Variants in NEK5 observed in about 807,000 individuals in gnomAD.
NEK5 encodes the protein serine/threonine-protein kinase Nek5.
NEK5 carries 88 observed loss-of-function variants against 109.2 expected under a neutral mutation model. That is an observed-to-expected ratio of 0.81 (90% CI 0.68 to 0.96). The LOEUF is 0.96. Ranked by LOEUF, NEK5 falls within the 40% of genes least tolerant of loss-of-function variation. The pLI is 0.00. For missense variants in NEK5, 834 were observed against 920.7 expected, an observed-to-expected ratio of 0.91 and a Z score of 1.22; for synonymous variants, 283 against 299.9, an observed-to-expected ratio of 0.94 and a Z score of 0.58.
At chr13:52,065,878 A>G (rs192464546) in intron 20 of NEK5, among the ~76,000 whole-genome samples, 2 of 152,362 alleles carry the variant, frequency 1.3e-5, no homozygotes, top group Admixed American at 1.3e-4. Context: ...TGAGGCATCT[A>G]TGAGAACTTT....
At chr13:52,118,819 GCA>G (rs1022949722) in intron 4 of NEK5, among the ~76,000 whole-genome samples, 1 of 151,896 alleles carries the variant, frequency 6.6e-6, no homozygotes, top group Admixed American at 6.6e-5. Context: ...GTACCCCCCA[GCA>G]CACACACACA....
At chr13:52,114,275 C>A (rs1282358930) in intron 4 of NEK5, among the ~76,000 whole-genome samples, 1 of 152,158 alleles carries the variant, frequency 6.6e-6, no homozygotes, top group African/African-American at 2.4e-5. Flanking sequence ...ACATAAGCGC[C>A]AAAATCAGTC....
chr13:52,080,696 T>G (rs1193887825), intron 17 of NEK5, among the ~76,000 whole-genome samples: 2 of 152,056 alleles, frequency 1.3e-5, no homozygotes, highest in African/African-American at 2.4e-5. Flanking sequence ...GAAGGCAGCA[T>G]GCTCGTTAAG....
intron 16 of NEK5, among the ~76,000 whole-genome samples, chr13:52,085,943 A>T (rs974198277): frequency 6.6e-6 from 1 of 152,106 alleles, no homozygotes; most frequent in Non-Finnish European, 1.5e-5. Context: ...CTCATTTTGG[A>T]CTTTCTGCAT....
chr13:52,072,096 G>C, intron 19 of NEK5, 26 bp from the exon 20 acceptor site: 1 of 1,577,522 alleles, frequency 6.3e-7, no homozygotes, highest in African/African-American at 1.4e-5. Flanking sequence ...AGTGTTTCAT[G>C]ATAAATTAGC....
At chr13:52,107,655 C>A (rs1955680907) in intron 8 of NEK5, among the ~76,000 whole-genome samples, 4 of 151,592 alleles carry the variant, frequency 2.6e-5, no homozygotes. Context: ...AAAAGCCCAC[C>A]AAGAGTTTTG....
chr13:52,062,613 G>T (rs1285886562), intron 21 of NEK5, among the ~76,000 whole-genome samples: 4 of 152,022 alleles, frequency 2.6e-5, no homozygotes, highest in East Asian at 1.9e-4. Flanking sequence ...TAGAGACAGG[G>T]TTTCACCATG....
In NEK5 at chr13:52,118,966, C is replaced by T. The variant is rs372616717; in HGVS notation, c.214+353G>A. ...CAGCCTGGGCCCCAGACTCAAGACCCCAGCCCACCACAGCTAGCATGTAAT... is the reference window on the plus strand; with the variant it reads ...CAGCCTGGGCCCCAGACTCAAGACCTCAGCCCACCACAGCTAGCATGTAAT... On this transcript the variant is annotated intron_variant, in intron 4 of 23. Transcript: ENST00000684899. Among the ~76,000 whole-genome samples the T allele has an allele frequency of 3.9e-5, 6 of 152,124 alleles. No individual in the cohort carries two copies. The South Asian group carries it at 1.2e-3, about 32-fold the overall frequency.
chr13:52,098,301 T>TAAAGAAAG (rs1955461350), intron 12 of NEK5, among the ~76,000 whole-genome samples: 1 of 138,972 alleles, frequency 7.2e-6, no homozygotes, highest in African/African-American at 2.6e-5. Context: ...AATAAATAAA[T>TAAAGAAAG]AAAGCCCTTT....
At chr13:52,119,560 A>C in intron 3 of NEK5, 145 bp from the exon 4 acceptor site, 1 of 506,232 alleles carries the variant, frequency 2.0e-6, no homozygotes, top group Non-Finnish European at 3.6e-6. Context: ...GCAGGAAACA[A>C]CATTTCTAGA....
At chr13:52,058,131 A>T (rs1320053436) in intron 22 of NEK5, among the ~76,000 whole-genome samples, 3 of 146,330 alleles carry the variant, frequency 2.1e-5, no homozygotes, top group Non-Finnish European at 4.5e-5. Context: ...AATGTACAAA[A>T]ATCACAAGCA....
chr13:52,119,176 T>C lies in NEK5; in HGVS notation c.214+143A>G, dbSNP rs1955921269. On this transcript the variant is annotated intron_variant, in intron 4 of 23. Coordinates refer to ENST00000684899, the MANE Select transcript of NEK5 (RefSeq NM_001365552.1). Reference sequence around the variant, plus strand: ...TACTAGAGAGGAAATAACGAGGACGTCTCAAGCTGCAATTTAAGTAAATGG... The same window carrying C: ...TACTAGAGAGGAAATAACGAGGACGCCTCAAGCTGCAATTTAAGTAAATGG... The C allele has an allele frequency of 1.6e-5, 7 of 431,818 alleles. No individual in the cohort carries two copies. In the East Asian group the frequency reaches 2.3e-4, roughly 14 times the overall value. The allele number at this position is 431,818 out of a possible 1,614,324, so 26.7% of individuals were successfully genotyped here.
intron 21 of NEK5, 191 bp downstream of exon 21, chr13:52,065,293 A>G: frequency 1.2e-6 from 1 of 806,718 alleles, no homozygotes. Flanking sequence ...TAGAGTGGTC[A>G]TTTGTCCAGG....
Position 52,075,774 on chromosome 13 carries a change from A to T in NEK5, c.1706T>A (p.Ile569Asn), listed in dbSNP as rs752031628. The T allele has an allele frequency of 2.5e-6, 4 of 1,573,452 alleles. No individual in the cohort carries two copies. In the African/African-American group the frequency reaches 5.5e-5, roughly 21 times the overall value. Reference protein sequence around the residue: ...NLDKCISDENILQEEEAMDIP... With the variant: ...NLDKCISDENNLQEEEAMDIP... ...ATGGCATACCTCTTCCTCTTGGAGG[A>T]TGTTTTCATCAGAAATACATTTGTC... The change falls in exon 19 of 24, where the codon ATC becomes AAC. Residue 569 changes from isoleucine (I) to asparagine (N), a missense_variant. By Grantham distance (149) the Ile-to-Asn change is moderately radical. Coordinates refer to ENST00000684899, the MANE Select transcript of NEK5 (RefSeq NM_001365552.1).
At chr13:52,057,870 C>G (rs1954575548) in intron 22 of NEK5, among the ~76,000 whole-genome samples, 1 of 151,468 alleles carries the variant, frequency 6.6e-6, no homozygotes, top group East Asian at 1.9e-4. Flanking sequence ...AAACTGGAAG[C>G]ATTCCCTTTG....
At chr13:52,110,831 G>A (rs1217482610) in intron 5 of NEK5, among the ~76,000 whole-genome samples, 1 of 152,116 alleles carries the variant, frequency 6.6e-6, no homozygotes, top group Admixed American at 6.6e-5. Flanking sequence ...AATTCCACAT[G>A]CAGAAAAAGA....
chr13:52,116,235 C>A (rs1443300460), intron 4 of NEK5, among the ~76,000 whole-genome samples: 1 of 150,524 alleles, frequency 6.6e-6, no homozygotes, highest in Non-Finnish European at 1.5e-5. Context: ...ATCTTCCAAT[C>A]ACTTGCTGTA....
intron 3 of NEK5, among the ~76,000 whole-genome samples, chr13:52,121,421 A>C (rs1328006975): frequency 6.6e-6 from 1 of 152,090 alleles, no homozygotes; most frequent in Non-Finnish European, 1.5e-5. Context: ...CAGCCTCCCA[A>C]AGTGCTGGGA....
intron 3 of NEK5, among the ~76,000 whole-genome samples, chr13:52,122,753 C>T (rs940712850): frequency 2.0e-5 from 3 of 150,938 alleles, no homozygotes; most frequent in Admixed American, 6.6e-5. Flanking sequence ...GGCAACAGAG[C>T]GAGACTCCGT....
Sources: allele counts gnomAD v4.1 joint callset (sites outside exome capture counted in the v4.1 genomes callset), GRCh38; gene constraint gnomAD v4.1.1; transcripts MANE v1.5; gene names NCBI Gene and HGNC (gene_info 2026-07-23, HGNC 2026-07-21).